The following KLF12 variants were observed in gnomAD, a reference collection of about 807,000 sequenced individuals.
KLF12 encodes Krueppel-like factor 12.
A neutral mutation model predicts 37.8 loss-of-function variants in KLF12; 9 were observed. The ratio of observed to expected loss-of-function variants is 0.24; its 90% CI spans 0.14 to 0.42. The LOEUF (loss-of-function observed/expected upper bound fraction) is 0.42. KLF12 is among the 10% of genes least tolerant of loss of function. The pLI is 1.00. For missense variants in KLF12, 411 were observed against 516.0 expected (o/e 0.80, Z 1.97); for synonymous variants, 208 against 202.1 (o/e 1.03, Z -0.25).
chr13:74,020,927 T>C (rs1160906312), intron 1 of KLF12, among the ~76,000 whole-genome samples: 1 of 150,756 alleles, frequency 6.6e-6, no homozygotes, highest in Admixed American at 6.6e-5. Flanking sequence ...AAGGAGACAC[T>C]ACTGCTGACC....
intron 4 of KLF12, among the ~76,000 whole-genome samples, chr13:73,814,926 C>T (rs1883134388): frequency 6.6e-6 from 1 of 151,850 alleles, no homozygotes; most frequent in Non-Finnish European, 1.5e-5. Context: ...AGAGTCTGGA[C>T]ATAAAAACGT....
Position 73,845,890 on chromosome 13 carries a change from G to A in KLF12, c.607C>T (p.Pro203Ser), listed in dbSNP as rs151327230. ...ACAATAGTGTTGTTCACATTTCCAG[G>A]TGACCTTACAGCTGTGTAGACAACA... Residue 203 changes from proline (P) to serine (S), a missense_variant, in exon 4 of 8, where the codon CCT (proline) becomes TCT (serine). Pro to Ser is a moderately conservative substitution (Grantham distance 74). Transcript: ENST00000377669. 115 of 1,614,078 alleles carry A rather than the reference G, an allele frequency of 7.1e-5. No homozygotes were observed. In the East Asian group the frequency reaches 2.5e-3, roughly 35 times the overall value.
rs1022537608 is a variant in KLF12 at position 73,693,641 on chromosome 13, G to C, written c.*1849C>G. On this transcript the variant is annotated 3_prime_UTR_variant, in exon 8 of 8. Transcript: ENST00000377669. ...CCTAAAAAGGGTAATTCTGTAACCG[G>C]AAATTATTTCAGAATGTCCAGACAT... is the stretch of plus-strand genomic sequence containing the variant. The C allele has an allele frequency of 6.6e-6, 1 of 152,594 alleles. No individual in the cohort carries two copies. The highest frequency in any genetic ancestry group is 2.4e-5 in the African/African-American group (1 of 41,440). The allele number at this position is 152,594 out of a possible 1,614,324, so 9.5% of individuals were successfully genotyped here.
intron 4 of KLF12, among the ~76,000 whole-genome samples, chr13:73,842,984 A>G (rs1334328381): frequency 6.6e-6 from 1 of 152,228 alleles, no homozygotes; most frequent in Non-Finnish European, 1.5e-5. Context: ...CTATAGCAAC[A>G]TTTGTAGAAT....
intron 1 of KLF12, among the ~76,000 whole-genome samples, chr13:74,050,921 CAT>C (rs1358064314): frequency 6.6e-6 from 1 of 152,106 alleles, no homozygotes; most frequent in East Asian, 1.9e-4. Flanking sequence ...AGAAATGGCT[CAT>C]AGTTACATGA....
chr13:73,876,594 T>C (rs1566432589), intron 3 of KLF12, among the ~76,000 whole-genome samples: 1 of 152,210 alleles, frequency 6.6e-6, no homozygotes, highest in African/African-American at 2.4e-5. Flanking sequence ...TCCACATTCA[T>C]TTACGTGGCT....
intron 3 of KLF12, among the ~76,000 whole-genome samples, chr13:73,871,299 T>C (rs886921467): frequency 2.6e-5 from 4 of 152,108 alleles, no homozygotes; most frequent in African/African-American, 9.7e-5. Flanking sequence ...AAATCAATGA[T>C]GGGGAGGCAG....
At chr13:74,186,282 A>C in the KLF12 span, among the ~76,000 whole-genome samples, 2 of 152,122 alleles carry the variant, frequency 1.3e-5, no homozygotes, top group African/African-American at 4.8e-5. Context: ...TTAGCTTACA[A>C]TTGTAATGTA....
At chr13:74,154,570 T>C in the KLF12 span, among the ~76,000 whole-genome samples, 2 of 152,176 alleles carry the variant, frequency 1.3e-5, no homozygotes, top group South Asian at 2.1e-4. Context: ...GTTTAGCCTG[T>C]CCTAGAGAAG....
At position 73,817,827 on chromosome 13, in the gene KLF12, G is replaced by A. The variant is rs547604892; in HGVS notation, c.671-4540C>T. On this transcript the variant is annotated intron_variant, in intron 4 of 7. Transcript: ENST00000377669. ...ATATAATCTGCATATGCCGTAGGGT[G>A]AAGCATTCTGAACATTTTTGGTCTA... Among the ~76,000 whole-genome samples the A allele has an allele frequency of 3.2e-4, 48 of 152,354 alleles. 2 individuals are homozygous for A. The South Asian group carries it at 9.5e-3, about 30-fold the overall frequency.
rs1308265141 is a variant in KLF12 at position 73,918,758 on chromosome 13, TTC to T, written c.123+25221_123+25222del. The stretch of plus-strand genomic sequence containing the variant: ...TCTTGAGTTTGGCTAGACACTGGAT[TTC>T]TCCTGCCAGAACCCCAGAAGTGTTA... On this transcript the variant is annotated intron_variant, in intron 3 of 7. Coordinates refer to ENST00000377669, the MANE Select transcript of KLF12 (RefSeq NM_007249.5). Among the ~76,000 whole-genome samples, 4 of 152,214 alleles carry T rather than the reference TTC, an allele frequency of 2.6e-5. No homozygotes were observed. In the East Asian group the frequency reaches 7.7e-4, roughly 29 times the overall value.
chr13:73,736,977 T>C (rs1351964256), intron 6 of KLF12, among the ~76,000 whole-genome samples: 5 of 152,226 alleles, frequency 3.3e-5, no homozygotes, highest in African/African-American at 9.6e-5. Flanking sequence ...CTCTTCATTA[T>C]ATACCAACTT....
the KLF12 span, among the ~76,000 whole-genome samples, chr13:74,159,897 G>T: frequency 7.6e-4 from 115 of 150,662 alleles, 1 homozygote; most frequent in African/African-American, 2.7e-3. Flanking sequence ...AGCTACTTAG[G>T]AGGCTGAGGT....
the KLF12 span, among the ~76,000 whole-genome samples, chr13:74,223,131 T>G: frequency 1.3e-5 from 2 of 152,204 alleles, no homozygotes; most frequent in Non-Finnish European, 2.9e-5. Context: ...CAAAATGGCT[T>G]AATTTAGTTG....
At chr13:74,193,891 G>A in the KLF12 span, among the ~76,000 whole-genome samples, 2 of 152,154 alleles carry the variant, frequency 1.3e-5, no homozygotes, top group Non-Finnish European at 2.9e-5. Context: ...TAACAGAAAT[G>A]TATATTTATG....
the KLF12 span, among the ~76,000 whole-genome samples, chr13:74,262,817 G>A: frequency 6.6e-6 from 1 of 151,884 alleles, no homozygotes. Flanking sequence ...ATATATATAT[G>A]TGTGCATATA....
At chr13:74,017,680 G>A (rs546793067) in intron 1 of KLF12, among the ~76,000 whole-genome samples, 5 of 151,218 alleles carry the variant, frequency 3.3e-5, no homozygotes, top group South Asian at 2.1e-4. Flanking sequence ...ATAAGTTGGC[G>A]ACTGTCAAAA....
intron 2 of KLF12, among the ~76,000 whole-genome samples, chr13:73,967,726 T>C (rs948173763): frequency 6.6e-6 from 1 of 152,210 alleles, no homozygotes; most frequent in Non-Finnish European, 1.5e-5. Context: ...TTCTCTCTTT[T>C]AATTGCAAAT....
chr13:74,265,411 T>C, the KLF12 span, among the ~76,000 whole-genome samples: 2 of 152,174 alleles, frequency 1.3e-5, no homozygotes, highest in African/African-American at 2.4e-5. Context: ...CCTAATAAAT[T>C]TGCATAAAAT....
Sources: allele counts gnomAD v4.1 joint callset (sites outside exome capture counted in the v4.1 genomes callset), GRCh38; gene constraint gnomAD v4.1.1; transcripts MANE v1.5; gene names NCBI Gene and HGNC (gene_info 2026-07-23, HGNC 2026-07-21).